The following SLC6A20 variants were observed in gnomAD, a reference collection of about 807,000 sequenced individuals.
SLC6A20 encodes sodium- and chloride-dependent transporter XTRP3.
In SLC6A20, 73 loss-of-function variants were observed where a neutral mutation model predicts 64.3. That is an observed-to-expected ratio of 1.14 (90% CI 0.94 to 1.38). SLC6A20 has a LOEUF of 1.38. SLC6A20 is among the 40% of genes most tolerant of loss of function. The pLI, the probability that SLC6A20 is intolerant of heterozygous loss-of-function variation, is 0.00. For synonymous variants in SLC6A20, 347 were observed against 329.6 expected, an observed-to-expected ratio of 1.05 and a Z score of -0.57; for missense variants, 725 against 772.8, an observed-to-expected ratio of 0.94 and a Z score of 0.73.
chr3:45,783,399 C>G (rs755799881), intron 1 of SLC6A20, among the ~76,000 whole-genome samples: 11 of 152,210 alleles, frequency 7.2e-5, no homozygotes, highest in Non-Finnish European at 1.6e-4. Context: ...AAAAATGTCT[C>G]CATTGTACAC....
At position 45,755,797 on chromosome 3, in the gene SLC6A20, C is replaced by T. The variant is rs995821539; in HGVS notation, c.*3181G>A. 6.6e-6 allele frequency: 1 copy of T among 152,544 alleles called. No individual in the cohort carries two copies. The highest frequency in any genetic ancestry group is 6.6e-5 in the Admixed American group (1 of 15,264). The allele number at this position is 152,544 out of a possible 1,614,324, so 9.4% of individuals were successfully genotyped here. A position where few individuals can be genotyped will look rare whatever the true frequency, so the allele number is the denominator to read the frequency against. Reference sequence around the variant, plus strand: ...CTGCTCTTCATGAAATTCACAGAAACGAGACATTTTCATCTGGAGCACATT... The same window carrying T: ...CTGCTCTTCATGAAATTCACAGAAATGAGACATTTTCATCTGGAGCACATT... On this transcript the variant is annotated 3_prime_UTR_variant, in exon 11 of 11. Transcript: ENST00000358525.
intron 2 of SLC6A20, among the ~76,000 whole-genome samples, chr3:45,780,638 C>T (rs946177147): frequency 4.6e-5 from 7 of 152,022 alleles, no homozygotes; most frequent in African/African-American, 1.2e-4. Flanking sequence ...GGGGGCTGCC[C>T]GTAATTCGGT....
chr3:45,796,398 A>T lies in SLC6A20; in HGVS notation c.22T>A (p.Trp8Arg). 1 of 1,610,464 alleles carries T rather than the reference A, an allele frequency of 6.2e-7. No individual in the cohort carries two copies. Among genetic ancestry groups the T allele is most frequent in the Non-Finnish European group, 8.5e-7 (1 of 1,179,178 alleles). Residue 8 changes from tryptophan (W) to arginine (R), a missense_variant, in exon 1 of 11, where the codon TGG becomes AGG. Coordinates refer to ENST00000358525, the MANE Select transcript of SLC6A20 (RefSeq NM_020208.4). The stretch of plus-strand genomic sequence containing the variant: ...AACACGAACTGTAGCGAGTTGGCCC[A>T]CAGCGGCCGCGCTTTCTCCATGGCC... MEKARPL[W>R]ANSLQFVFAC...
At chr3:45,783,290 A>G (rs1700125927) in intron 1 of SLC6A20, among the ~76,000 whole-genome samples, 1 of 152,222 alleles carries the variant, frequency 6.6e-6, no homozygotes, top group South Asian at 2.1e-4. Flanking sequence ...AGACACTACA[A>G]CTGCAAAGAT....
intron 1 of SLC6A20, chr3:45,791,723 A>T (rs1032736945): frequency 1.3e-5 from 2 of 156,620 alleles, no homozygotes; most frequent in African/African-American, 4.8e-5. Flanking sequence ...GGCACGTCTT[A>T]CATGACTGGA....
At position 45,758,686 on chromosome 3, in the gene SLC6A20, C is replaced by A; in HGVS notation, c.*292G>T. 1 of 1,214,250 alleles carries A rather than the reference C, an allele frequency of 8.2e-7. No individual in the cohort carries two copies. Among genetic ancestry groups the A allele is most frequent in the Non-Finnish European group, 1.0e-6 (1 of 972,736 alleles). 75.2% of individuals were successfully genotyped at this position (1,214,250 alleles called of 1,614,324 possible). On this transcript the variant is annotated 3_prime_UTR_variant, in exon 11 of 11. Coordinates refer to ENST00000358525, the MANE Select transcript of SLC6A20 (RefSeq NM_020208.4). Reference sequence around the variant, plus strand: ...TAGTCATATTTCAGTTTGCAATGTGCCCTAATTCTAGGGCTTTCCTGGAAT... The same window carrying A: ...TAGTCATATTTCAGTTTGCAATGTGACCTAATTCTAGGGCTTTCCTGGAAT...
intron 5 of SLC6A20, chr3:45,772,170 G>A (rs1699882884): frequency 3.7e-6 from 1 of 269,226 alleles, no homozygotes; most frequent in Non-Finnish European, 7.0e-6. Flanking sequence ...TGACCAGAGT[G>A]GTGCTCATGG....
rs746097512 is a variant in SLC6A20 at position 45,772,589 on chromosome 3, G to C, written c.609C>G (p.Pro203=). 6.2e-7 allele frequency: 1 copy of C among 1,613,894 alleles called. No homozygotes were observed. Among genetic ancestry groups the C allele is most frequent in the Non-Finnish European group, 8.5e-7 (1 of 1,179,956 alleles). ...GKVVYFTASL[P]YCVLIIYLIR... The stretch of plus-strand genomic sequence containing the variant: ...TGAGGTAGATGATGAGCACGCAATA[G>C]GGCAGTGACGCCGTGAAATACACCA... Residue 203 remains proline, a synonymous_variant, in exon 5 of 11, where the codon CCC becomes CCG. Transcript: ENST00000358525.
intron 8 of SLC6A20, among the ~76,000 whole-genome samples, chr3:45,763,686 C>T (rs1190960431): frequency 2.0e-5 from 3 of 151,042 alleles, no homozygotes; most frequent in Non-Finnish European, 2.9e-5. Context: ...TCTAAGGCTC[C>T]CCCGACATCC....
chr3:45,790,444 G>A (rs1028298161), intron 1 of SLC6A20: 3 of 152,062 alleles, frequency 2.0e-5, no homozygotes, highest in Non-Finnish European at 2.9e-5. Flanking sequence ...CCACCCCAGC[G>A]CCTTCCTTCT....
chr3:45,768,560 T>C (rs1575426985), intron 7 of SLC6A20, among the ~76,000 whole-genome samples: 1 of 152,224 alleles, frequency 6.6e-6, no homozygotes, highest in Admixed American at 6.5e-5. Flanking sequence ...TGGGGTCTGA[T>C]GCCTGCCTGG....
intron 1 of SLC6A20, among the ~76,000 whole-genome samples, chr3:45,786,646 T>A (rs1214880458): frequency 6.6e-6 from 1 of 152,256 alleles, no homozygotes; most frequent in Non-Finnish European, 1.5e-5. Context: ...CTTGGAGATA[T>A]TCTGAGCCTC....
At chr3:45,790,855 C>A (rs1426619705) in intron 1 of SLC6A20, among the ~76,000 whole-genome samples, 1 of 152,234 alleles carries the variant, frequency 6.6e-6, no homozygotes, top group East Asian at 1.9e-4. Flanking sequence ...TCCTCTCCTG[C>A]CATTGCCCTA....
At chr3:45,775,300 A>G (rs993354438) in intron 4 of SLC6A20, among the ~76,000 whole-genome samples, 1 of 152,088 alleles carries the variant, frequency 6.6e-6, no homozygotes, top group African/African-American at 2.4e-5. Flanking sequence ...CTCAGGACAC[A>G]CCCCAGACTG....
intron 1 of SLC6A20, 122 bp downstream of exon 1, chr3:45,796,176 CA>C: frequency 4.1e-6 from 6 of 1,481,370 alleles, no homozygotes; most frequent in Middle Eastern, 2.2e-4. Flanking sequence ...TAACTTCGGA[CA>C]AATCACGCTC....
chr3:45,777,871 C>T (rs539234843), intron 3 of SLC6A20, among the ~76,000 whole-genome samples: 66 of 152,254 alleles, frequency 4.3e-4, no homozygotes, highest in African/African-American at 1.4e-3. Flanking sequence ...CTAAGGCACC[C>T]GGGGGTGATG....
In SLC6A20 at chr3:45,755,624, A is replaced by T. The variant is rs1699526730; in HGVS notation, c.*3354T>A. On this transcript the variant is annotated 3_prime_UTR_variant, in exon 11 of 11. Coordinates refer to ENST00000358525, the MANE Select transcript of SLC6A20 (RefSeq NM_020208.4). ...CATGGCTACCACTAAGGGTACAGGGATGGAATGTCCCTTTGTCGCTCCAGC... is the reference window on the plus strand; with the variant it reads ...CATGGCTACCACTAAGGGTACAGGGTTGGAATGTCCCTTTGTCGCTCCAGC... 6.6e-6 allele frequency: 1 copy of T among 152,650 alleles called. No individual in the cohort carries two copies. Among genetic ancestry groups the T allele is most frequent in the African/African-American group, 2.4e-5 (1 of 41,454 alleles). 9.5% of individuals were successfully genotyped at this position (152,650 alleles called of 1,614,324 possible). A position where few individuals can be genotyped will look rare whatever the true frequency, so the allele number is the denominator to read the frequency against.
At chr3:45,778,442 G>T (rs1700010677) in intron 3 of SLC6A20, among the ~76,000 whole-genome samples, 1 of 152,184 alleles carries the variant, frequency 6.6e-6, no homozygotes, top group Non-Finnish European at 1.5e-5. Flanking sequence ...GAGGGACTAA[G>T]GGATAAGTCC....
intron 3 of SLC6A20, among the ~76,000 whole-genome samples, chr3:45,778,044 TG>T (rs1700000900): frequency 6.6e-6 from 1 of 152,226 alleles, no homozygotes; most frequent in South Asian, 2.1e-4. Flanking sequence ...ACTTGTTAAA[TG>T]GGCCAGTTCC....
Sources: allele counts gnomAD v4.1 joint callset (sites outside exome capture counted in the v4.1 genomes callset), GRCh38; gene constraint gnomAD v4.1.1; transcripts MANE v1.5; gene names NCBI Gene and HGNC (gene_info 2026-07-23, HGNC 2026-07-21).